ASIC2: variants seen among roughly 807,000 people sequenced by gnomAD.
ASIC2 encodes acid sensing ion channel subunit 2.
A neutral mutation model predicts 57.3 loss-of-function variants in ASIC2; 25 were observed. The observed-to-expected ratio is 0.44, with a 90% confidence interval of 0.32 to 0.61. The LOEUF (loss-of-function observed/expected upper bound fraction) is 0.61, where lower values mean the gene tolerates loss of function less well. Ranked by LOEUF, ASIC2 falls within the 20% of genes least tolerant of loss-of-function variation. The pLI is 0.06. For missense variants in ASIC2, 641 were observed against 738.1 expected (o/e 0.87, Z 1.52); for synonymous variants, 319 against 307.5 (o/e 1.04, Z -0.39).
At chr17:33,792,210 T>G (rs1027530441) in intron 1 of ASIC2, 2 of 152,222 alleles carry the variant, frequency 1.3e-5, no homozygotes, top group Non-Finnish European at 2.9e-5. Flanking sequence ...GGTAACCCAG[T>G]GGGTAGTGGT....
chr17:33,021,030 A>C (rs1207781720), intron 7 of ASIC2, among the ~76,000 whole-genome samples, 189 bp downstream of exon 7: 2 of 152,148 alleles, frequency 1.3e-5, no homozygotes, highest in Non-Finnish European at 2.9e-5. Context: ...ATTCCACCCC[A>C]CTGCTGGGGT....
chr17:34,103,086 T>C (rs1910924026), intron 1 of ASIC2, among the ~76,000 whole-genome samples: 1 of 152,232 alleles, frequency 6.6e-6, no homozygotes, highest in Non-Finnish European at 1.5e-5. Flanking sequence ...TTCTTAAGTC[T>C]ATTTATTTTC....
intron 1 of ASIC2, among the ~76,000 whole-genome samples, chr17:33,614,975 C>T (rs938607713): frequency 1.3e-5 from 2 of 152,200 alleles, no homozygotes; most frequent in South Asian, 4.1e-4. Context: ...CTTGCTGTGT[C>T]TGTCAATGCA....
intron 1 of ASIC2, among the ~76,000 whole-genome samples, chr17:34,066,422 C>T (rs1345524060): frequency 2.0e-5 from 3 of 152,098 alleles, no homozygotes. Context: ...TGGGGTGGGT[C>T]CTCAGCATCT....
At chr17:33,149,540 C>T (rs2142027573) in intron 1 of ASIC2, among the ~76,000 whole-genome samples, 1 of 152,270 alleles carries the variant, frequency 6.6e-6, no homozygotes, top group East Asian at 1.9e-4. Flanking sequence ...AACACAGTGA[C>T]TTGTATATAG....
At chr17:33,984,721 T>C (rs1405711495) in intron 1 of ASIC2, among the ~76,000 whole-genome samples, 2 of 152,056 alleles carry the variant, frequency 1.3e-5, no homozygotes, top group Admixed American at 6.5e-5. Flanking sequence ...GAAGATGAGA[T>C]GGAAACACCA....
intron 1 of ASIC2, among the ~76,000 whole-genome samples, chr17:33,663,462 CT>C (rs1907361841): frequency 8.3e-6 from 1 of 120,630 alleles, no homozygotes; most frequent in Non-Finnish European, 1.7e-5. Flanking sequence ...TTTTTTTTTT[CT>C]TCTTCTCCAA....
At chr17:33,991,913 G>A (rs1411129765) in intron 1 of ASIC2, among the ~76,000 whole-genome samples, 1 of 152,142 alleles carries the variant, frequency 6.6e-6, no homozygotes, top group African/African-American at 2.4e-5. Flanking sequence ...TTTGTTCAAA[G>A]CAAATGAACT....
intron 3 of ASIC2, among the ~76,000 whole-genome samples, chr17:33,083,067 T>C (rs2092119716): frequency 6.6e-6 from 1 of 152,202 alleles, no homozygotes; most frequent in South Asian, 2.1e-4. Context: ...AGACGGGCTT[T>C]CAGGGCAGAT....
intron 1 of ASIC2, among the ~76,000 whole-genome samples, chr17:34,042,566 G>T (rs1908181185): frequency 6.6e-6 from 1 of 152,018 alleles, no homozygotes; most frequent in Admixed American, 6.6e-5. Context: ...GTGTGGGAAG[G>T]ACAGGAGGGA....
At chr17:33,741,724 T>C (rs1024559449) in intron 1 of ASIC2, among the ~76,000 whole-genome samples, 12 of 152,224 alleles carry the variant, frequency 7.9e-5, no homozygotes. Context: ...TCTCCTGCTC[T>C]ACTCAGACAT....
At chr17:33,668,272 CTTTTTTTTTTTTTTT>C (rs397856474) in intron 1 of ASIC2, among the ~76,000 whole-genome samples, 4 of 61,418 alleles carry the variant, frequency 6.5e-5, no homozygotes, top group Non-Finnish European at 1.1e-4. Flanking sequence ...ATCAAATGTT[CTTTTTTTTTTTTTTT>C]TTTTTTTTTT....
At chr17:33,459,357 C>T (rs1912559526) in intron 1 of ASIC2, among the ~76,000 whole-genome samples, 2 of 152,196 alleles carry the variant, frequency 1.3e-5, no homozygotes, top group Admixed American at 6.5e-5. Flanking sequence ...CCAGGAGACG[C>T]GTGCAGGATC....
At chr17:33,247,008 AAAAAG>A (rs1481230833) in intron 1 of ASIC2, among the ~76,000 whole-genome samples, 8 of 152,382 alleles carry the variant, frequency 5.2e-5, no homozygotes, top group Admixed American at 3.9e-4. Flanking sequence ...TCCAAAATAC[AAAAAG>A]AAAAGGGCAG....
At chr17:33,163,478 C>T (rs1905220403) in intron 1 of ASIC2, among the ~76,000 whole-genome samples, 1 of 151,946 alleles carries the variant, frequency 6.6e-6, no homozygotes, top group African/African-American at 2.4e-5. Flanking sequence ...ATGTCATCTA[C>T]CCACCTCCTG....
intron 1 of ASIC2, chr17:34,004,568 G>C (rs1280061250): frequency 6.6e-6 from 1 of 152,244 alleles, no homozygotes; most frequent in African/African-American, 2.4e-5. Flanking sequence ...AGAGAGACCT[G>C]ACTTTGAATG....
intron 1 of ASIC2, among the ~76,000 whole-genome samples, chr17:33,941,865 C>T (rs1277774952): frequency 6.6e-6 from 1 of 152,186 alleles, no homozygotes; most frequent in Non-Finnish European, 1.5e-5. Context: ...TGTGAGCCTG[C>T]AGCTTCCACT....
intron 1 of ASIC2, among the ~76,000 whole-genome samples, chr17:33,287,751 G>A (rs1423288543): frequency 2.0e-5 from 3 of 152,158 alleles, no homozygotes; most frequent in Non-Finnish European, 4.4e-5. Flanking sequence ...CTTAGGGACA[G>A]CTGGCACTTC....
rs2092146765 is a variant in ASIC2 at position 33,088,901 on chromosome 17, G to C, written c.949C>G (p.Pro317Ala). The C allele has an allele frequency of 6.2e-7, 1 of 1,613,866 alleles. No homozygotes were observed. The highest frequency in any genetic ancestry group is 8.5e-7 in the Non-Finnish European group (1 of 1,179,944). The change falls in exon 3 of 10, where the codon CCA becomes GCA. Residue 317 changes from proline to alanine, a missense_variant. This residue lies in a region of ASIC2 where 252 missense variants were observed against 319.8 expected (regional missense o/e 0.79). Transcript: ENST00000225823. ...FIQELGFGVA[P>A]GFQTFVATQE... ...GTGGCCACAAAGGTCTGGAACCCTG[G>C]AGCCACCCCAAAGCCCAGCTCTTGG...
Sources: gnomAD v4.1 joint callset for allele counts (sites outside exome capture counted in the v4.1 genomes callset) on GRCh38, gnomAD v4.1.1 for gene constraint, gnomAD v4.1.1 regional missense constraint, MANE v1.5 for transcripts, NCBI Gene and HGNC (gene_info 2026-07-23, HGNC 2026-07-21) for gene names.